The following SLC12A1 variants were observed in gnomAD, a reference collection of about 807,000 sequenced individuals.
SLC12A1 encodes the protein solute carrier family 12 member 1.
Under a neutral mutation model 130.4 loss-of-function variants are expected in SLC12A1, and 89 were observed. That is an observed-to-expected ratio of 0.68 (90% CI 0.58 to 0.81). SLC12A1 has a LOEUF of 0.81. Ranked by LOEUF, SLC12A1 falls within the 40% of genes least tolerant of loss-of-function variation. The pLI, the probability that SLC12A1 is intolerant of heterozygous loss-of-function variation, is 0.00. For synonymous variants in SLC12A1, 499 were observed against 460.0 expected, an observed-to-expected ratio of 1.08 and a Z score of -1.09; for missense variants, 1,310 against 1,336.4, an observed-to-expected ratio of 0.98 and a Z score of 0.31.
intron 26 of SLC12A1, 94 bp downstream of exon 26, chr15:48,301,476 ATTTTG>A: frequency 1.5e-6 from 1 of 655,250 alleles, no homozygotes; most frequent in Non-Finnish European, 2.2e-6. Flanking sequence ...TCAGGTGGGA[ATTTTG>A]TTTTGTTTTT....
In SLC12A1 at chr15:48,266,442, G is replaced by A. The variant is rs561401205; in HGVS notation, c.2155-1119G>A. ...CCTGTTTTGTCTGACCGCAAAGCCT[G>A]GGCTTTTTTTTTTTTTTCATGCATC... On this transcript the variant is annotated intron_variant, in intron 17 of 26. Coordinates refer to ENST00000380993, the MANE Select transcript of SLC12A1 (RefSeq NM_000338.3). 3.9e-3 allele frequency among the ~76,000 whole-genome samples: 394 copies of A among 99,850 alleles called. 2 individuals carry two copies. Among genetic ancestry groups the A allele is most frequent in the African/African-American group, 0.011 (379 of 34,980 alleles). The allele number at this position is 99,850 out of a possible 152,430, so 65.5% of individuals were successfully genotyped here.
chr15:48,207,280 A>C (rs1162320248), intron 1 of SLC12A1, among the ~76,000 whole-genome samples: 3 of 152,216 alleles, frequency 2.0e-5, no homozygotes, highest in Non-Finnish European at 4.4e-5. Flanking sequence ...AGTGCACTGA[A>C]TTCAAGCAAA....
chr15:48,248,308 C>G (rs563678066), intron 13 of SLC12A1, among the ~76,000 whole-genome samples: 1 of 152,282 alleles, frequency 6.6e-6, no homozygotes, highest in South Asian at 2.1e-4. Flanking sequence ...TTGTAACTCT[C>G]TGTGTTTGTT....
chr15:48,285,016 A>G, intron 20 of SLC12A1, 90 bp from the exon 21 acceptor site: 1 of 969,280 alleles, frequency 1.0e-6, no homozygotes, highest in Non-Finnish European at 1.5e-6. Flanking sequence ...TATCACATAC[A>G]TACCATTTTA....
intron 18 of SLC12A1, 134 bp from the exon 19 acceptor site, chr15:48,269,524 T>G: frequency 5.9e-6 from 3 of 507,806 alleles, no homozygotes. Context: ...ATGAAGGACA[T>G]GCACTAAAAT....
intron 2 of SLC12A1, among the ~76,000 whole-genome samples, chr15:48,215,778 G>A (rs2041113684): frequency 6.6e-6 from 1 of 152,214 alleles, no homozygotes; most frequent in Non-Finnish European, 1.5e-5. Context: ...ATGGCAAACA[G>A]AGAAAAACAA....
At chr15:48,282,724 G>A (rs541598294) in intron 20 of SLC12A1, among the ~76,000 whole-genome samples, 2 of 152,244 alleles carry the variant, frequency 1.3e-5, no homozygotes, top group East Asian at 3.9e-4. Context: ...CTTTTAAAAT[G>A]ACATGTTGGA....
In SLC12A1 at chr15:48,258,175, A is replaced by C. The variant is rs925306741; in HGVS notation, c.2043-1025A>C. Among the ~76,000 whole-genome samples, 4 of 114,790 alleles carry C rather than the reference A, an allele frequency of 3.5e-5. 1 individual carries two copies. The highest frequency in any genetic ancestry group is 1.8e-4 in the African/African-American group (3 of 16,782). The allele number at this position is 114,790 out of a possible 152,430, so 75.3% of individuals were successfully genotyped here. A position where few individuals can be genotyped will look rare whatever the true frequency, so the allele number is the denominator to read the frequency against. On this transcript the variant is annotated intron_variant, in intron 16 of 26. Transcript: ENST00000380993. ...AGGAGATCGAGACCATCCCGGCTAA[A>C]ACGGTGAAACCCCGTCTCTACTAAA... is the stretch of plus-strand genomic sequence containing the variant.
intron 24 of SLC12A1, among the ~76,000 whole-genome samples, chr15:48,294,172 A>C (rs1341371677): frequency 6.6e-6 from 1 of 152,024 alleles, no homozygotes; most frequent in Non-Finnish European, 1.5e-5. Flanking sequence ...AACACGGTGA[A>C]ACCCCGTCTC....
chr15:48,279,080 A>G (rs2041984848), intron 20 of SLC12A1, among the ~76,000 whole-genome samples: 1 of 152,260 alleles, frequency 6.6e-6, no homozygotes, highest in African/African-American at 2.4e-5. Context: ...GGGTAAACAA[A>G]GAAAAACAAT....
chr15:48,292,035 A>G (rs34724161), intron 24 of SLC12A1, among the ~76,000 whole-genome samples, 171 bp downstream of exon 24: 179 of 152,356 alleles, frequency 1.2e-3, no homozygotes, highest in Non-Finnish European at 2.0e-3. Context: ...AGTACATTCT[A>G]AAGGGAAGGA....
intron 13 of SLC12A1, among the ~76,000 whole-genome samples, chr15:48,249,349 G>A (rs983584739): frequency 6.6e-6 from 1 of 151,956 alleles, no homozygotes; most frequent in African/African-American, 2.4e-5. Context: ...TAGAGGTCTC[G>A]ATTGTCTATT....
chr15:48,229,785 G>T (rs149799092), intron 6 of SLC12A1, among the ~76,000 whole-genome samples: 1 of 152,168 alleles, frequency 6.6e-6, no homozygotes, highest in African/African-American at 2.4e-5. Flanking sequence ...CCTAGTTTAG[G>T]TGCCTAGTCT....
chr15:48,269,319 A>C (rs2041867285), intron 18 of SLC12A1, among the ~76,000 whole-genome samples: 1 of 152,194 alleles, frequency 6.6e-6, no homozygotes, highest in African/African-American at 2.4e-5. Context: ...GCTTTGAACC[A>C]CTAAGTTACA....
intron 4 of SLC12A1, chr15:48,225,896 A>G (rs2041279343): frequency 1.0e-6 from 1 of 985,250 alleles, no homozygotes; most frequent in African/African-American, 1.7e-5. Context: ...AGTGACTGGT[A>G]TCACTGGTTT....
intron 25 of SLC12A1, 84 bp downstream of exon 25, chr15:48,299,359 T>TA (rs2042209009): frequency 1.7e-6 from 2 of 1,157,440 alleles, no homozygotes; most frequent in Admixed American, 7.5e-5. Flanking sequence ...AAAGAAGCAA[T>TA]ATATTTATTA....
Position 48,220,966 on chromosome 15 carries a change from C to G in SLC12A1, c.598C>G (p.Leu200Val). ...NIWGVMLFIR[L>V]SWIVGEAGIG... ...CTGGGGAGTCATGCTCTTCATTCGC[C>G]TCTCCTGGATTGTTGGAGAAGCTGG... Residue 200 changes from leucine to valine, a missense_variant, in exon 4 of 27, where the codon CTC becomes GTC. Coordinates refer to ENST00000380993, the MANE Select transcript of SLC12A1 (RefSeq NM_000338.3). The G allele has an allele frequency of 6.2e-7, 1 of 1,613,976 alleles. No individual in the cohort carries two copies. Among genetic ancestry groups the G allele is most frequent in the South Asian group, 1.1e-5 (1 of 91,078 alleles).
chr15:48,301,120 G>A (rs1207956403), intron 25 of SLC12A1, among the ~76,000 whole-genome samples, 195 bp from the exon 26 acceptor site: 1 of 152,168 alleles, frequency 6.6e-6, no homozygotes, highest in Non-Finnish European at 1.5e-5. Flanking sequence ...TCTTTGTACT[G>A]TGTCTTATTC....
At chr15:48,210,282 C>T (rs976565029) in intron 2 of SLC12A1, among the ~76,000 whole-genome samples, 5 of 152,068 alleles carry the variant, frequency 3.3e-5, no homozygotes, top group Admixed American at 6.5e-5. Flanking sequence ...AATTCTATCC[C>T]ACAATACTCT....
Sources: allele counts gnomAD v4.1 joint callset (sites outside exome capture counted in the v4.1 genomes callset), GRCh38; gene constraint gnomAD v4.1.1; transcripts MANE v1.5; gene names NCBI Gene and HGNC (gene_info 2026-07-23, HGNC 2026-07-21).